Variants in SGCD observed in about 807,000 individuals in gnomAD.
SGCD encodes the protein delta-sarcoglycan.
SGCD carries 18 observed loss-of-function variants against 36.6 expected under a neutral mutation model. That is an observed-to-expected ratio of 0.49 (90% CI 0.34 to 0.73). SGCD has a LOEUF of 0.73. SGCD is among the 30% of genes least tolerant of loss of function. The probability of loss-of-function intolerance (pLI) is 0.01; values close to 1 mark genes in which losing one functional copy is unlikely to be tolerated. For missense variants in SGCD, 387 were observed against 346.7 expected (o/e 1.12, Z -0.92); for synonymous variants, 133 against 130.6 (o/e 1.02, Z -0.12).
At chr5:156,397,856 G>C (rs1771944783) in intron 3 of SGCD, among the ~76,000 whole-genome samples, 1 of 152,184 alleles carries the variant, frequency 6.6e-6, no homozygotes, top group African/African-American at 2.4e-5. Flanking sequence ...GCACAAATTT[G>C]ATGGGTTTCT....
intron 1 of SGCD, among the ~76,000 whole-genome samples, chr5:156,091,460 G>A (rs1004646820): frequency 6.6e-6 from 1 of 152,152 alleles, no homozygotes; most frequent in Non-Finnish European, 1.5e-5. Flanking sequence ...TACTGTCAGA[G>A]CATGAGTTTC....
At chr5:156,463,136 T>C (rs766424805) in intron 3 of SGCD, among the ~76,000 whole-genome samples, 2 of 151,738 alleles carry the variant, frequency 1.3e-5, no homozygotes, top group Non-Finnish European at 2.9e-5. Flanking sequence ...TTTGTTTTTT[T>C]GGTTTGTTTG....
chr5:155,963,288 G>A (rs570296994), intron 1 of SGCD, among the ~76,000 whole-genome samples: 2 of 152,166 alleles, frequency 1.3e-5, no homozygotes, highest in South Asian at 4.1e-4. Context: ...AGCATATCTG[G>A]AATAATGTAG....
chr5:156,358,439 C>T (rs1769599285), intron 3 of SGCD, among the ~76,000 whole-genome samples: 2 of 152,114 alleles, frequency 1.3e-5, no homozygotes, highest in South Asian at 2.1e-4. Context: ...ATTGGAAATC[C>T]TCACCTCTTC....
chr5:156,134,126 T>C (rs1458018521), intron 3 of SGCD, among the ~76,000 whole-genome samples: 10 of 152,210 alleles, frequency 6.6e-5, no homozygotes, highest in Non-Finnish European at 1.5e-5. Context: ...TCAACTTGTT[T>C]ATTCTTCCCC....
chr5:156,384,451 C>T (rs1226469275), intron 3 of SGCD, among the ~76,000 whole-genome samples: 1 of 152,140 alleles, frequency 6.6e-6, no homozygotes, highest in Non-Finnish European at 1.5e-5. Flanking sequence ...GGCTCTCTTT[C>T]ACTAGGATAG....
chr5:156,398,145 A>G (rs1771964385), intron 3 of SGCD, among the ~76,000 whole-genome samples: 1 of 152,220 alleles, frequency 6.6e-6, no homozygotes, highest in African/African-American at 2.4e-5. Context: ...CAGATGTGTC[A>G]TCTGCGAGAC....
At chr5:156,309,349 C>T (rs1767325125) in intron 3 of SGCD, among the ~76,000 whole-genome samples, 1 of 151,884 alleles carries the variant, frequency 6.6e-6, no homozygotes, top group Admixed American at 6.6e-5. Context: ...TCTTTCTGTG[C>T]CTCAGACTTG....
chr5:155,757,947 C>T, the SGCD span, among the ~76,000 whole-genome samples: 1 of 152,134 alleles, frequency 6.6e-6, no homozygotes, highest in African/African-American at 2.4e-5. Flanking sequence ...CAAGCTCTCT[C>T]TTTGCCTGCC....
the SGCD span, among the ~76,000 whole-genome samples, chr5:155,807,719 T>C: frequency 1.3e-5 from 2 of 152,258 alleles, no homozygotes; most frequent in African/African-American, 4.8e-5. Context: ...AAGCCTTTGG[T>C]ATATTCTTGT....
chr5:156,423,882 A>AT (rs1773543741), intron 3 of SGCD, among the ~76,000 whole-genome samples: 1 of 151,992 alleles, frequency 6.6e-6, no homozygotes, highest in Non-Finnish European at 1.5e-5. Context: ...CCAAGGAGTA[A>AT]GTACCTGGTA....
chr5:156,210,769 C>T (rs1048673289), intron 3 of SGCD, among the ~76,000 whole-genome samples: 1 of 151,650 alleles, frequency 6.6e-6, no homozygotes, highest in Admixed American at 6.6e-5. Context: ...ACAGTAAGGT[C>T]ATTGAAAATA....
chr5:156,172,798 A>C (rs1763375082), intron 3 of SGCD, among the ~76,000 whole-genome samples: 1 of 152,018 alleles, frequency 6.6e-6, no homozygotes, highest in South Asian at 2.1e-4. Context: ...TTTTATCATA[A>C]TAATTTATTA....
chr5:156,709,482 G>A (rs1335023610), intron 7 of SGCD, among the ~76,000 whole-genome samples: 1 of 152,154 alleles, frequency 6.6e-6, no homozygotes, highest in African/African-American at 2.4e-5. Context: ...CACCTTGGGA[G>A]AAAATCTGGG....
chr5:156,127,545 A>T (rs1388308305), intron 3 of SGCD, among the ~76,000 whole-genome samples: 1 of 152,128 alleles, frequency 6.6e-6, no homozygotes, highest in Non-Finnish European at 1.5e-5. Context: ...TGCGTCCAAG[A>T]ATTTGAGGTT....
At chr5:155,906,065 G>C (rs3097813) in intron 1 of SGCD, among the ~76,000 whole-genome samples, 81,596 of 151,938 alleles carry the variant, frequency 0.54, 24,435 homozygotes, top group Non-Finnish European at 0.69. Context: ...TCACATTTTG[G>C]TAATTGTCAC....
chr5:156,583,309 C>G (rs778549941), intron 4 of SGCD, among the ~76,000 whole-genome samples: 2 of 152,178 alleles, frequency 1.3e-5, no homozygotes, highest in Non-Finnish European at 1.5e-5. Context: ...TCCCTTACCT[C>G]CTGCCCTGTA....
chr5:156,474,857 C>T (rs898656824), intron 3 of SGCD, among the ~76,000 whole-genome samples: 4 of 152,092 alleles, frequency 2.6e-5, no homozygotes, highest in African/African-American at 9.7e-5. Context: ...TGGTTCAGCA[C>T]TTCCTAGTTC....
At position 156,044,023 on chromosome 5, in the gene SGCD, A is replaced by G. The variant is rs1409426023; in HGVS notation, c.-281-73855A>G. Among the ~76,000 whole-genome samples the G allele has an allele frequency of 2.0e-5, 3 of 152,198 alleles. No individual in the cohort carries two copies. The East Asian group carries it at 5.8e-4, about 29-fold the overall frequency. ...GGAGAATTAAACATGTTTAAATAAC[A>G]GAGTGCTCAATATTTGTATGTATTC... On this transcript the variant is annotated intron_variant, in intron 1 of 9. Coordinates refer to the SGCD transcript ENST00000517913.
Sources: allele counts gnomAD v4.1 joint callset (sites outside exome capture counted in the v4.1 genomes callset), GRCh38; gene constraint gnomAD v4.1.1; transcripts MANE v1.5; gene names NCBI Gene and HGNC (gene_info 2026-07-23, HGNC 2026-07-21).